Variants in FRMPD2 observed in about 807,000 individuals in gnomAD.
The protein encoded by FRMPD2 is FERM and PDZ domain containing 2.
FRMPD2 carries 96 observed loss-of-function variants against 140.1 expected under a neutral mutation model. The observed-to-expected ratio is 0.69, with a 90% confidence interval of 0.58 to 0.81. The LOEUF is 0.81. FRMPD2 is among the 40% of genes least tolerant of loss of function. FRMPD2 has a pLI of 0.00. For synonymous variants in FRMPD2, 449 were observed against 547.6 expected, an observed-to-expected ratio of 0.82 and a Z score of 2.52; for missense variants, 1,240 against 1,447.4, an observed-to-expected ratio of 0.86 and a Z score of 2.32.
Position 48,274,035 on chromosome 10 carries a change from C to T in FRMPD2, c.25+508G>A, listed in dbSNP as rs74922844. Among the ~76,000 whole-genome samples the T allele has an allele frequency of 2.3e-3, 351 of 152,214 alleles. 15 individuals are homozygous for T. The East Asian group carries it at 0.059, about 26-fold the overall frequency. Reference sequence around the variant, plus strand: ...TACCCTGAGTCTTCTTACTTTAAACCACTGATACTCTTTAAGCAATAACCA... The same window carrying T: ...TACCCTGAGTCTTCTTACTTTAAACTACTGATACTCTTTAAGCAATAACCA... On this transcript the variant is annotated intron_variant, in intron 1 of 28. Coordinates refer to ENST00000374201, the MANE Select transcript of FRMPD2 (RefSeq NM_001018071.4).
intron 1 of FRMPD2, among the ~76,000 whole-genome samples, chr10:48,268,774 G>C (rs1209838879): frequency 6.6e-6 from 1 of 151,714 alleles, no homozygotes; most frequent in Non-Finnish European, 1.5e-5. Context: ...TGTGGTAGTG[G>C]TTACATAAAT....
chr10:48,158,894 T>A (rs1226106987), intron 28 of FRMPD2: 1 of 310,614 alleles, frequency 3.2e-6, no homozygotes, highest in Non-Finnish European at 6.2e-6. Context: ...CTGAAGGCTC[T>A]GCTTGCTACA....
intron 3 of FRMPD2, among the ~76,000 whole-genome samples, chr10:48,247,135 G>A (rs896137249): frequency 1.3e-5 from 2 of 152,208 alleles, no homozygotes; most frequent in African/African-American, 4.8e-5. Context: ...GAATCTACTG[G>A]AGTCCTCGTG....
In FRMPD2 at chr10:48,242,255, C is replaced by A; in HGVS notation, c.473G>T (p.Cys158Phe). ...AGACACTTCTTTCTCATGAACCCGA[C>A]AAGCTTCCAGAACCGACTGCAACGT... ...RCTLQSVLEA[C>F]RVHEKEVSVY... Residue 158 changes from cysteine (C) to phenylalanine (F), a missense_variant, in exon 5 of 29, where the codon TGT becomes TTT. Coordinates refer to ENST00000374201, the MANE Select transcript of FRMPD2 (RefSeq NM_001018071.4). The A allele has an allele frequency of 6.2e-7, 1 of 1,614,176 alleles. No individual in the cohort carries two copies. The highest frequency in any genetic ancestry group is 1.1e-5 in the South Asian group (1 of 91,076).
chr10:48,183,720 C>T (rs1019976704), intron 20 of FRMPD2, among the ~76,000 whole-genome samples: 45 of 151,836 alleles, frequency 3.0e-4, no homozygotes, highest in African/African-American at 9.7e-4. Flanking sequence ...GGTGTGGCAG[C>T]GCGTGCCTGT....
intron 1 of FRMPD2, among the ~76,000 whole-genome samples, chr10:48,272,558 C>T (rs1314722843): frequency 6.6e-6 from 1 of 152,166 alleles, no homozygotes; most frequent in African/African-American, 2.4e-5. Context: ...GCCCTTCCAC[C>T]TTTGTGTTCA....
chr10:48,266,883 C>T (rs1019473477), intron 1 of FRMPD2, among the ~76,000 whole-genome samples: 5 of 152,204 alleles, frequency 3.3e-5, no homozygotes, highest in African/African-American at 1.2e-4. Flanking sequence ...CATCCCCTGA[C>T]GTGTTGCATG....
intron 9 of FRMPD2, among the ~76,000 whole-genome samples, chr10:48,232,998 T>A (rs550584216): frequency 6.6e-6 from 1 of 152,062 alleles, no homozygotes; most frequent in South Asian, 2.1e-4. Context: ...GCTCTTCCAC[T>A]CCCTCCCCAT....
rs1298744918 is a variant in FRMPD2, at chr10:48,192,856, C to T, written c.1993G>A (p.Ala665Thr). 1.2e-6 allele frequency: 2 copies of T among 1,613,934 alleles called. No homozygotes were observed. Among genetic ancestry groups the T allele is most frequent in the African/African-American group, 2.7e-5 (2 of 74,910 alleles). ...KFVQMANLSP[A>T]HQARSKPLIW... ...AGAGGCTTAGACCGGGCCTGGTGTG[C>T]AGGACTCAAATTGGCCATTTGCACA... Residue 665 changes from alanine (A) to threonine (T), a missense_variant, in exon 16 of 29, where the codon GCA becomes ACA. By Grantham distance (58) the Ala-to-Thr change is moderately conservative (BLOSUM62 0). Around this residue, in one of 6 missense-constraint regions of FRMPD2, gnomAD observed 1,161 missense variants for 1,055.9 expected, o/e 1.10. Transcript: ENST00000374201.
intron 1 of FRMPD2, among the ~76,000 whole-genome samples, chr10:48,259,092 T>C (rs1323284692): frequency 6.6e-6 from 1 of 152,208 alleles, no homozygotes; most frequent in Non-Finnish European, 1.5e-5. Flanking sequence ...CTGGGTTCCA[T>C]GGCCCCACCT....
chr10:48,234,844 G>T (rs145136169), intron 9 of FRMPD2, among the ~76,000 whole-genome samples: 45 of 152,220 alleles, frequency 3.0e-4, no homozygotes, highest in African/African-American at 1.1e-3. Context: ...TGTTCCCATC[G>T]CCTGGAGTCT....
rs1019949283 is a variant in FRMPD2 at position 48,222,686 on chromosome 10, T to G, written c.1317-235A>C. Among the ~76,000 whole-genome samples the G allele has an allele frequency of 3.3e-5, 5 of 152,114 alleles. No homozygotes were observed. In the East Asian group the frequency reaches 9.6e-4, roughly 29 times the overall value. On this transcript the variant is annotated intron_variant, in intron 11 of 28. Coordinates refer to ENST00000374201, the MANE Select transcript of FRMPD2 (RefSeq NM_001018071.4). ...GTCACTTCATACAAACTTACAGAGG[T>G]GTTTCTTGCTCTGGTTTGAGTGAGG... is the stretch of plus-strand genomic sequence containing the variant.
intron 12 of FRMPD2, among the ~76,000 whole-genome samples, chr10:48,215,393 A>G (rs1839421857): frequency 6.6e-6 from 1 of 152,356 alleles, no homozygotes; most frequent in Middle Eastern, 3.4e-3. Flanking sequence ...AGCACCTGGC[A>G]TATAGCAAAG....
At chr10:48,274,079 G>C (rs1276772651) in intron 1 of FRMPD2, among the ~76,000 whole-genome samples, 2 of 152,174 alleles carry the variant, frequency 1.3e-5, no homozygotes, top group Admixed American at 6.5e-5. Context: ...GCTTCTGAAA[G>C]ATAGTGACAG....
intron 1 of FRMPD2, among the ~76,000 whole-genome samples, chr10:48,260,537 A>G (rs543457274): frequency 6.6e-6 from 1 of 152,280 alleles, no homozygotes; most frequent in African/African-American, 2.4e-5. Context: ...AAATACCCTC[A>G]CAGACACGTT....
intron 13 of FRMPD2, among the ~76,000 whole-genome samples, chr10:48,210,128 G>T (rs1180390645): frequency 5.3e-5 from 8 of 152,104 alleles, no homozygotes; most frequent in East Asian, 1.9e-4. Flanking sequence ...TAATCAGGGA[G>T]GGGGAGAAAA....
At chr10:48,250,848 G>T (rs1456793294) in intron 2 of FRMPD2, among the ~76,000 whole-genome samples, 2 of 149,392 alleles carry the variant, frequency 1.3e-5, no homozygotes. Context: ...CCAGGCTGGA[G>T]GGCAGTGGCA....
At chr10:48,215,379 T>C (rs973769347) in intron 12 of FRMPD2, among the ~76,000 whole-genome samples, 21 of 152,204 alleles carry the variant, frequency 1.4e-4, no homozygotes, top group African/African-American at 4.6e-4. Flanking sequence ...GAAGTGTCCA[T>C]TGCAGCACCT....
intron 7 of FRMPD2, among the ~76,000 whole-genome samples, chr10:48,239,240 T>A (rs1840042720): frequency 6.6e-6 from 1 of 152,246 alleles, no homozygotes; most frequent in Non-Finnish European, 1.5e-5. Flanking sequence ...ACTCACAGAA[T>A]CATGAGCTAA....
Sources: gnomAD v4.1 joint callset for allele counts (sites outside exome capture counted in the v4.1 genomes callset) on GRCh38, gnomAD v4.1.1 for gene constraint, gnomAD v4.1.1 regional missense constraint, MANE v1.5 for transcripts, NCBI Gene and HGNC (gene_info 2026-07-23, HGNC 2026-07-21) for gene names.